Variants in PBX1 observed in about 807,000 individuals in gnomAD.
The protein encoded by PBX1 is pre-B-cell leukemia transcription factor 1.
PBX1 carries 6 observed loss-of-function variants against 53.4 expected under a neutral mutation model. The observed-to-expected ratio is 0.11, with a 90% CI of 0.06 to 0.22. The LOEUF (loss-of-function observed/expected upper bound fraction) is 0.22, where lower values mean the gene tolerates loss of function less well. Among genes scored for constraint, PBX1 ranks in the 10% least tolerant of loss-of-function variants. PBX1 has a pLI of 1.00. For synonymous variants in PBX1, 204 were observed against 212.3 expected, an observed-to-expected ratio of 0.96 and a Z score of 0.34; for missense variants, 251 against 551.4, an observed-to-expected ratio of 0.46 and a Z score of 5.46.
rs1407508726 is a variant in PBX1, at chr1:164,743,853, A to G, written c.266-48641A>G. Reference sequence around the variant, plus strand: ...GAAGCCTTCTTAAAACTCCAGTATAACACTTACATATATGTACAGTTATCC... The same window carrying G: ...GAAGCCTTCTTAAAACTCCAGTATAGCACTTACATATATGTACAGTTATCC... On this transcript the variant is annotated intron_variant, in intron 2 of 8. Coordinates refer to ENST00000420696, the MANE Select transcript of PBX1 (RefSeq NM_002585.4). 3.9e-5 allele frequency among the ~76,000 whole-genome samples: 6 copies of G among 152,296 alleles called. No homozygotes were observed. The East Asian group carries it at 1.2e-3, about 29-fold the overall frequency.
chr1:164,768,912 G>A (rs1667220929), intron 2 of PBX1, among the ~76,000 whole-genome samples: 1 of 152,130 alleles, frequency 6.6e-6, no homozygotes, highest in African/African-American at 2.4e-5. Context: ...AATTAACTGG[G>A]TGTGGTGGCA....
At chr1:164,760,484 G>A (rs911330277) in intron 2 of PBX1, among the ~76,000 whole-genome samples, 52 of 137,838 alleles carry the variant, frequency 3.8e-4, no homozygotes, top group Admixed American at 8.1e-4. Flanking sequence ...TCCTTCCTTC[G>A]GATTTTTTAA....
At chr1:164,740,413 A>G (rs1665543710) in intron 2 of PBX1, among the ~76,000 whole-genome samples, 1 of 152,168 alleles carries the variant, frequency 6.6e-6, no homozygotes, top group Non-Finnish European at 1.5e-5. Context: ...GGAACTCACA[A>G]TCTAGTAGCC....
intron 2 of PBX1, among the ~76,000 whole-genome samples, chr1:164,708,919 C>T (rs1192461197): frequency 6.6e-6 from 1 of 152,180 alleles, no homozygotes; most frequent in Admixed American, 6.5e-5. Context: ...TTAAGCACTA[C>T]TTATTGAGTG....
At chr1:164,562,257 A>G (rs1050936490) in intron 1 of PBX1, among the ~76,000 whole-genome samples, 19 of 152,160 alleles carry the variant, frequency 1.2e-4, no homozygotes, top group African/African-American at 4.3e-4. Flanking sequence ...AGGGATTAAA[A>G]AAGAATTGCA....
At chr1:164,669,507 A>G (rs1458327557) in intron 2 of PBX1, among the ~76,000 whole-genome samples, 1 of 152,132 alleles carries the variant, frequency 6.6e-6, no homozygotes. Context: ...CAGAAATTTT[A>G]TTCTCTTCTT....
At chr1:164,680,545 A>C (rs1000354451) in intron 2 of PBX1, 4 of 152,180 alleles carry the variant, frequency 2.6e-5, no homozygotes, top group Non-Finnish European at 5.9e-5. Context: ...CAGGGCTGCT[A>C]ATGTTTCTGA....
At chr1:164,797,816 G>T (rs1195660289) in intron 3 of PBX1, among the ~76,000 whole-genome samples, 3 of 152,166 alleles carry the variant, frequency 2.0e-5, no homozygotes, top group Non-Finnish European at 2.9e-5. Flanking sequence ...ATCAGGTAGG[G>T]TATTGCCATC....
chr1:164,755,998 GAAAAAAA>G (rs370503258), intron 2 of PBX1, among the ~76,000 whole-genome samples: 16 of 125,024 alleles, frequency 1.3e-4, no homozygotes, highest in African/African-American at 4.3e-4. Context: ...CCCGATTCAG[GAAAAAAA>G]AAAAAAAAAA....
intron 2 of PBX1, chr1:164,657,365 A>G (rs1312045072): frequency 6.6e-6 from 1 of 152,238 alleles, no homozygotes. Flanking sequence ...GGAGGCAATA[A>G]TAATATGGTA....
chr1:164,722,292 T>C (rs1664456084), intron 2 of PBX1, among the ~76,000 whole-genome samples: 1 of 152,210 alleles, frequency 6.6e-6, no homozygotes, highest in African/African-American at 2.4e-5. Flanking sequence ...TGTCATCTGG[T>C]TCCATTTTTC....
intron 2 of PBX1, chr1:164,641,447 C>T (rs1010008795): frequency 2.6e-5 from 4 of 153,160 alleles, no homozygotes; most frequent in African/African-American, 9.6e-5. Context: ...CAGCTGCCCT[C>T]CCCCTTAGCT....
chr1:164,579,469 T>C (rs916866198), intron 2 of PBX1, among the ~76,000 whole-genome samples: 4 of 152,154 alleles, frequency 2.6e-5, no homozygotes, highest in African/African-American at 4.8e-5. Context: ...TCTTTCTCAC[T>C]GTGGCCTGCC....
At chr1:164,688,112 G>A (rs1410287351) in intron 2 of PBX1, among the ~76,000 whole-genome samples, 1 of 152,148 alleles carries the variant, frequency 6.6e-6, no homozygotes, top group Non-Finnish European at 1.5e-5. Flanking sequence ...TTCCCCTCAT[G>A]TCAAGGACCA....
At chr1:164,772,096 C>T (rs1667405467) in intron 2 of PBX1, among the ~76,000 whole-genome samples, 1 of 152,178 alleles carries the variant, frequency 6.6e-6, no homozygotes, top group African/African-American at 2.4e-5. Context: ...AGCTTTTATC[C>T]AAAGATCTGC....
At chr1:164,644,310 C>G (rs1204896654) in intron 2 of PBX1, among the ~76,000 whole-genome samples, 1 of 152,124 alleles carries the variant, frequency 6.6e-6, no homozygotes, top group Non-Finnish European at 1.5e-5. Flanking sequence ...AGTACATTAC[C>G]TATCTAGTCT....
chr1:164,846,885 A>G lies in PBX1; in HGVS notation c.*209A>G. 1 of 1,393,578 alleles carries G rather than the reference A, an allele frequency of 7.2e-7. No individual in the cohort carries two copies. The highest frequency in any genetic ancestry group is 1.7e-5 in the South Asian group (1 of 57,890). The allele number at this position is 1,393,578 out of a possible 1,614,324, so 86.3% of individuals were successfully genotyped here. The stretch of plus-strand genomic sequence containing the variant: ...ACTCTCTTCCCTTTTTTTTCTGGGT[A>G]GAAGCCACCCTTCCCTGCCTCCAGC... On this transcript the variant is annotated 3_prime_UTR_variant, in exon 9 of 9. Coordinates refer to ENST00000420696, the MANE Select transcript of PBX1 (RefSeq NM_002585.4).
intron 2 of PBX1, among the ~76,000 whole-genome samples, chr1:164,872,007 A>G (rs1672395140): frequency 6.6e-6 from 1 of 152,130 alleles, no homozygotes; most frequent in Non-Finnish European, 1.5e-5. Flanking sequence ...AAGAAATAAT[A>G]CTCGAGCTCA....
chr1:164,641,939 C>G (rs919602863), intron 2 of PBX1: 1 of 152,068 alleles, frequency 6.6e-6, no homozygotes, highest in African/African-American at 2.4e-5. Context: ...CAGTAGTACC[C>G]CTGGAAAATT....
Sources: allele counts gnomAD v4.1 joint callset (sites outside exome capture counted in the v4.1 genomes callset), GRCh38; gene constraint gnomAD v4.1.1; transcripts MANE v1.5; gene names NCBI Gene and HGNC (gene_info 2026-07-23, HGNC 2026-07-21).